Variants in MRTFA observed in about 807,000 individuals in gnomAD.
MRTFA encodes myocardin-related transcription factor A.
In MRTFA, 20 loss-of-function variants were observed where a neutral mutation model predicts 83.5. That is an observed-to-expected ratio of 0.24 (90% CI 0.17 to 0.35). The LOEUF is 0.35. MRTFA is among the 10% of genes least tolerant of loss of function. The pLI is 1.00. For missense variants in MRTFA, 1,200 were observed against 1,224.7 expected (o/e 0.98, Z 0.30); for synonymous variants, 659 against 541.2 (o/e 1.22, Z -3.02).
In MRTFA at chr22:40,429,654, C is replaced by T. The variant is rs140535946; in HGVS notation, c.553G>A (p.Glu185Lys). 4 of 1,614,166 alleles carry T rather than the reference C, an allele frequency of 2.5e-6. No individual in the cohort carries two copies. In the African/African-American group the frequency reaches 4.0e-5, roughly 16 times the overall value. Residue 185 changes from glutamate to lysine, a missense_variant, in exon 7 of 15, where the codon GAG (glutamate) becomes AAG (lysine). By Grantham distance (56) the Glu-to-Lys change is moderately conservative (BLOSUM62 1). Coordinates refer to ENST00000355630, the MANE Select transcript of MRTFA (RefSeq NM_020831.6). Reference sequence around the variant, plus strand: ...GACTCAACAGGAAGGATGTTCTTCTCCACCAGCTCCATGGGGCCAGGCCTC... The same window carrying T: ...GACTCAACAGGAAGGATGTTCTTCTTCACCAGCTCCATGGGGCCAGGCCTC...
chr22:40,600,037 A>T (rs5758021), intron 1 of MRTFA, among the ~76,000 whole-genome samples: 2,052 of 151,964 alleles, frequency 0.014, 37 homozygotes, highest in African/African-American at 0.046. Flanking sequence ...AGGGAAAATA[A>T]CAATTTCCAG....
At chr22:40,601,216 CTTTT>C (rs200128794) in intron 1 of MRTFA, among the ~76,000 whole-genome samples, 1 of 151,894 alleles carries the variant, frequency 6.6e-6, no homozygotes, top group Non-Finnish European at 1.5e-5. Context: ...AGTTTTTGAA[CTTTT>C]TTTTGTTTTT....
intron 7 of MRTFA, among the ~76,000 whole-genome samples, chr22:40,425,134 G>T (rs1039725969): frequency 2.6e-5 from 4 of 152,232 alleles, no homozygotes; most frequent in Non-Finnish European, 5.9e-5. Flanking sequence ...CTGGATGACT[G>T]TGAATGCAAG....
chr22:40,426,180 C>A (rs1274568586), intron 7 of MRTFA, among the ~76,000 whole-genome samples: 1 of 152,096 alleles, frequency 6.6e-6, no homozygotes, highest in South Asian at 2.1e-4. Context: ...ACGGTCCGCT[C>A]CCCCTTCTCC....
intron 3 of MRTFA, among the ~76,000 whole-genome samples, chr22:40,541,823 C>A (rs1013467239): frequency 5.3e-5 from 8 of 152,096 alleles, no homozygotes; most frequent in Middle Eastern, 3.4e-3. Context: ...CCTGCCACCA[C>A]GCCCAGCTAA....
intron 4 of MRTFA, among the ~76,000 whole-genome samples, chr22:40,446,185 C>T (rs769917171): frequency 8.5e-5 from 13 of 152,158 alleles, no homozygotes; most frequent in East Asian, 1.9e-4. Flanking sequence ...TTTGATGCCA[C>T]GTGAAAATCC....
At chr22:40,470,257 A>T (rs1287867138) in intron 3 of MRTFA, among the ~76,000 whole-genome samples, 40 of 111,690 alleles carry the variant, frequency 3.6e-4, no homozygotes, top group African/African-American at 1.6e-3. Context: ...ATATATATAT[A>T]TATATATATA....
Position 40,480,637 on chromosome 22 carries a change from C to T in MRTFA, c.242-17351G>A, listed in dbSNP as rs932638273. Among the ~76,000 whole-genome samples, 17 of 151,670 alleles carry T rather than the reference C, an allele frequency of 1.1e-4. 1 individual carries two copies. The highest frequency in any genetic ancestry group is 3.9e-4 in the African/African-American group (16 of 41,200). On this transcript the variant is annotated intron_variant, in intron 3 of 14. Coordinates refer to ENST00000355630, the MANE Select transcript of MRTFA (RefSeq NM_020831.6). ...AGGAATCGAGATTTTAACAGGATAA[C>T]GGTGGTCACATCTAAAGGTTATTCA... is the stretch of plus-strand genomic sequence containing the variant.
At position 40,410,961 on chromosome 22, in the gene MRTFA, C is replaced by T. The variant is rs2052508185; in HGVS notation, c.*429G>A. On this transcript the variant is annotated 3_prime_UTR_variant, in exon 15 of 15. Coordinates refer to ENST00000355630, the MANE Select transcript of MRTFA (RefSeq NM_020831.6). The stretch of plus-strand genomic sequence containing the variant: ...AGGGGGTAGAGGCCCAGGCTAATTT[C>T]TCCCTTCACAGCAAAGCAGGGAGAG... 4.2e-6 allele frequency: 1 copy of T among 237,390 alleles called. No homozygotes were observed. The highest frequency in any genetic ancestry group is 8.2e-6 in the Non-Finnish European group (1 of 121,258). The allele number at this position is 237,390 out of a possible 1,614,324, so 14.7% of individuals were successfully genotyped here.
chr22:40,534,491 G>A (rs1026815235), intron 3 of MRTFA, among the ~76,000 whole-genome samples: 1 of 152,134 alleles, frequency 6.6e-6, no homozygotes. Context: ...GTCTCACTCC[G>A]TTGCCCAGAC....
rs778146821 is a variant in MRTFA at position 40,482,846 on chromosome 22, T to C, written c.242-19560A>G. 2.6e-5 allele frequency among the ~76,000 whole-genome samples: 4 copies of C among 152,074 alleles called. 1 individual carries two copies. The highest frequency in any genetic ancestry group is 2.6e-4 in the Admixed American group (4 of 15,262). The stretch of plus-strand genomic sequence containing the variant: ...AAAATTGTTTTCCTTAAAATTAAAT[T>C]AGGCCAGGGACAGTGGGTTGTGCCT... On this transcript the variant is annotated intron_variant, in intron 3 of 14. Coordinates refer to ENST00000355630, the MANE Select transcript of MRTFA (RefSeq NM_020831.6).
At chr22:40,593,489 A>C (rs2056149141) in intron 2 of MRTFA, among the ~76,000 whole-genome samples, 1 of 152,204 alleles carries the variant, frequency 6.6e-6, no homozygotes, top group African/African-American at 2.4e-5. Flanking sequence ...TTATTACCCC[A>C]ATATAAAAGT....
chr22:40,463,361 G>A (rs2053749789), intron 3 of MRTFA, 75 bp from the exon 4 acceptor site: 7 of 1,286,012 alleles, frequency 5.4e-6, no homozygotes, highest in South Asian at 2.4e-5. Context: ...ATTTTCAAAC[G>A]CAAAAAAAGT....
chr22:40,576,120 G>A (rs750624037), intron 2 of MRTFA, among the ~76,000 whole-genome samples: 5 of 146,958 alleles, frequency 3.4e-5, no homozygotes, highest in African/African-American at 5.0e-5. Context: ...CCTCCACCCC[G>A]TGGGTTCAAG....
intron 2 of MRTFA, among the ~76,000 whole-genome samples, chr22:40,577,587 AC>A (rs2055885434): frequency 6.9e-6 from 1 of 144,478 alleles, no homozygotes; most frequent in African/African-American, 2.5e-5. Context: ...AGAGAAAAAC[AC>A]CCCTATTCAA....
At chr22:40,519,472 C>T (rs1423621377) in intron 3 of MRTFA, 3 of 1,340,884 alleles carry the variant, frequency 2.2e-6, no homozygotes, top group East Asian at 4.0e-5. Context: ...ACCAGTGCTG[C>T]CCTCTCTTCT....
intron 2 of MRTFA, among the ~76,000 whole-genome samples, chr22:40,592,770 G>C (rs2056140389): frequency 6.6e-6 from 1 of 152,060 alleles, no homozygotes. Flanking sequence ...TGGAATTACA[G>C]GCATGAACTA....
chr22:40,418,295 C>T, intron 12 of MRTFA, 79 bp downstream of exon 12: 5 of 1,543,428 alleles, frequency 3.2e-6, no homozygotes, highest in Non-Finnish European at 3.5e-6. Context: ...CGAGGGGTCC[C>T]CTGGCCCAAG....
At chr22:40,622,889 G>A (rs554914308) in intron 1 of MRTFA, among the ~76,000 whole-genome samples, 2 of 152,340 alleles carry the variant, frequency 1.3e-5, no homozygotes, top group African/African-American at 4.8e-5. Flanking sequence ...GGTGATTATG[G>A]TGGAGATGAT....
Sources: gnomAD v4.1 joint callset for allele counts (sites outside exome capture counted in the v4.1 genomes callset) on GRCh38, gnomAD v4.1.1 for gene constraint, MANE v1.5 for transcripts, NCBI Gene and HGNC (gene_info 2026-07-23, HGNC 2026-07-21) for gene names.